LRRTM4: variants seen among roughly 807,000 people sequenced by gnomAD.
LRRTM4 encodes the protein leucine rich repeat transmembrane neuronal 4.
In LRRTM4, 25 loss-of-function variants were observed where a neutral mutation model predicts 47.6. The ratio of observed to expected loss-of-function variants is 0.53; its 90% CI spans 0.38 to 0.73. The LOEUF (loss-of-function observed/expected upper bound fraction) is 0.73, where lower values mean the gene tolerates loss of function less well. LRRTM4 is among the 30% of genes least tolerant of loss of function. LRRTM4 has a pLI of 0.00. For synonymous variants in LRRTM4, 311 were observed against 269.5 expected, an observed-to-expected ratio of 1.15 and a Z score of -1.51; for missense variants, 638 against 713.4, an observed-to-expected ratio of 0.89 and a Z score of 1.20.
At chr2:76,989,102 ATAT>A (rs1354646226) in intron 3 of LRRTM4, among the ~76,000 whole-genome samples, 1 of 151,872 alleles carries the variant, frequency 6.6e-6, no homozygotes, top group East Asian at 1.9e-4. Context: ...CAATTTCTAC[ATAT>A]TATTACATGT....
At chr2:77,389,364 T>C (rs1163160759) in intron 3 of LRRTM4, among the ~76,000 whole-genome samples, 2 of 152,112 alleles carry the variant, frequency 1.3e-5, no homozygotes, top group Non-Finnish European at 2.9e-5. Flanking sequence ...GGCACCGAAG[T>C]CTTTCTCAGA....
chr2:77,440,910 A>G (rs1675814499), intron 3 of LRRTM4, among the ~76,000 whole-genome samples: 2 of 152,234 alleles, frequency 1.3e-5, no homozygotes, highest in African/African-American at 4.8e-5. Flanking sequence ...CATTTCACCT[A>G]TAAATCAAGA....
intron 3 of LRRTM4, among the ~76,000 whole-genome samples, chr2:77,449,076 A>T (rs1470994047): frequency 1.3e-5 from 2 of 152,194 alleles, no homozygotes; most frequent in South Asian, 4.1e-4. Flanking sequence ...AAAAACATCA[A>T]TTAATCTTTA....
At chr2:76,873,233 A>G (rs1420591653) in intron 3 of LRRTM4, among the ~76,000 whole-genome samples, 11 of 152,024 alleles carry the variant, frequency 7.2e-5, no homozygotes, top group Non-Finnish European at 1.5e-5. Flanking sequence ...AGGAAATTGA[A>G]TTATCAAAAA....
intron 3 of LRRTM4, among the ~76,000 whole-genome samples, chr2:77,378,011 C>A (rs1332474596): frequency 1.3e-5 from 2 of 151,936 alleles, no homozygotes; most frequent in Non-Finnish European, 2.9e-5. Flanking sequence ...AATTTAGGTT[C>A]TCTAGAAAAA....
chr2:77,338,685 GT>G lies in LRRTM4; in HGVS notation c.1551+179632del, dbSNP rs536602182. 3.2e-3 allele frequency among the ~76,000 whole-genome samples: 491 copies of G among 152,196 alleles called. 4 individuals carry two copies. Among genetic ancestry groups the G allele is most frequent in the African/African-American group, 0.011 (474 of 41,546 alleles). Reference sequence around the variant, plus strand: ...ATTAATTTAGCCCTAATGGAAAGCAGTTTGGTGATTTCTCAAATACCTAAAA... The same window carrying G: ...ATTAATTTAGCCCTAATGGAAAGCAGTTGGTGATTTCTCAAATACCTAAAA... On this transcript the variant is annotated intron_variant, in intron 3 of 3. Transcript: ENST00000409884.
chr2:77,407,754 A>T (rs866538816), intron 3 of LRRTM4, among the ~76,000 whole-genome samples: 85 of 144,246 alleles, frequency 5.9e-4, no homozygotes, highest in African/African-American at 2.1e-3. Context: ...CTATTATATT[A>T]TGATATTATA....
At chr2:77,049,079 G>C (rs1679327953) in intron 3 of LRRTM4, among the ~76,000 whole-genome samples, 1 of 142,030 alleles carries the variant, frequency 7.0e-6, no homozygotes, top group African/African-American at 2.6e-5. Context: ...GTGTTGCTGT[G>C]AATGACAGTT....
At chr2:76,929,959 GTT>G (rs1435875062) in intron 3 of LRRTM4, among the ~76,000 whole-genome samples, 1 of 133,478 alleles carries the variant, frequency 7.5e-6, no homozygotes, top group East Asian at 2.3e-4. Context: ...GTGTGTGTGT[GTT>G]TTAAATTTAA....
chr2:77,016,365 C>G (rs1199654783), intron 3 of LRRTM4, among the ~76,000 whole-genome samples: 1 of 136,604 alleles, frequency 7.3e-6, no homozygotes, highest in Non-Finnish European at 1.5e-5. Flanking sequence ...AGCCTGGCGA[C>G]AGAGGGAGAA....
chr2:77,339,529 C>T (rs1029332119), intron 3 of LRRTM4, among the ~76,000 whole-genome samples: 3 of 151,874 alleles, frequency 2.0e-5, no homozygotes, highest in Non-Finnish European at 2.9e-5. Flanking sequence ...AATACTTTGT[C>T]GATTGATAAT....
At chr2:76,865,202 G>C (rs1199823557) in intron 3 of LRRTM4, among the ~76,000 whole-genome samples, 1 of 151,874 alleles carries the variant, frequency 6.6e-6, no homozygotes, top group Admixed American at 6.6e-5. Context: ...TGCTCCCTGT[G>C]GGCTCCATAG....
Position 76,984,452 on chromosome 2 carries a change from A to C in LRRTM4, c.1552-235536T>G, listed in dbSNP as rs182657629. ...ATGTTTTAGTTGTTCTACATCCAAA[A>C]TTCCCTGTTTCTTAGCTTACCGATA... is the stretch of plus-strand genomic sequence containing the variant. On this transcript the variant is annotated intron_variant, in intron 3 of 3. Transcript: ENST00000409884. Among the ~76,000 whole-genome samples, 113 of 152,074 alleles carry C rather than the reference A, an allele frequency of 7.4e-4. 3 individuals carry two copies. In the East Asian group the frequency reaches 0.018, roughly 24 times the overall value.
chr2:76,988,110 C>T (rs1036623588), intron 3 of LRRTM4, among the ~76,000 whole-genome samples: 1 of 151,708 alleles, frequency 6.6e-6, no homozygotes, highest in African/African-American at 2.4e-5. Flanking sequence ...CTTTCATCTG[C>T]CTCTATAATT....
rs573198613 is a variant in LRRTM4, at chr2:76,822,723, G to T, written c.1552-73807C>A. On this transcript the variant is annotated intron_variant, in intron 3 of 3. Transcript: ENST00000409884. ...AATATAAATAAGATCAAGCCACTCAGAAGTGAGAGACAAACTATGTGGTGA... is the reference window on the plus strand; with the variant it reads ...AATATAAATAAGATCAAGCCACTCATAAGTGAGAGACAAACTATGTGGTGA... 3.0e-4 allele frequency among the ~76,000 whole-genome samples: 46 copies of T among 151,556 alleles called. No homozygotes were observed. The South Asian group carries it at 8.9e-3, about 29-fold the overall frequency.
chr2:77,359,003 T>C (rs950561676), intron 3 of LRRTM4, among the ~76,000 whole-genome samples: 13 of 152,316 alleles, frequency 8.5e-5, no homozygotes, highest in African/African-American at 2.9e-4. Context: ...ACATTTTAAT[T>C]ATATTAATCC....
chr2:77,423,053 A>G (rs191837660), intron 3 of LRRTM4, among the ~76,000 whole-genome samples: 69 of 152,218 alleles, frequency 4.5e-4, no homozygotes, highest in African/African-American at 1.7e-3. Flanking sequence ...TATTGTGTTT[A>G]ATTTTAAATA....
chr2:76,834,542 A>T (rs1367137790), intron 3 of LRRTM4, among the ~76,000 whole-genome samples: 2 of 151,888 alleles, frequency 1.3e-5, no homozygotes, highest in African/African-American at 4.8e-5. Context: ...GCTTCATTTG[A>T]CAACGTATTT....
chr2:76,775,226 C>T (rs1444782507), intron 3 of LRRTM4, among the ~76,000 whole-genome samples: 1 of 152,188 alleles, frequency 6.6e-6, no homozygotes, highest in African/African-American at 2.4e-5. Context: ...CTGTAAGTAG[C>T]ATGACATTTT....
Sources: gnomAD v4.1 joint callset for allele counts (sites outside exome capture counted in the v4.1 genomes callset) on GRCh38, gnomAD v4.1.1 for gene constraint, MANE v1.5 for transcripts, NCBI Gene and HGNC (gene_info 2026-07-23, HGNC 2026-07-21) for gene names.